NEBL: variants seen among roughly 807,000 people sequenced by gnomAD.
NEBL encodes the protein nebulette, also known as LIM and SH3 protein 2.
Under a neutral mutation model 140.2 loss-of-function variants are expected in NEBL, and 122 were observed. The observed-to-expected ratio is 0.87, with a 90% CI of 0.75 to 1.01. NEBL has a LOEUF of 1.01. NEBL is among the 50% of genes least tolerant of loss of function. The pLI, the probability that NEBL is intolerant of heterozygous loss-of-function variation, is 0.00. For missense variants in NEBL, 1,365 were observed against 1,231.3 expected (o/e 1.11, Z -1.62); for synonymous variants, 436 against 398.9 (o/e 1.09, Z -1.11).
chr10:20,949,673 C>T, intron 4 of NEBL, among the ~76,000 whole-genome samples: 1 of 152,218 alleles, frequency 6.6e-6, no homozygotes, highest in Middle Eastern at 3.4e-3. Flanking sequence ...CTGAACAACA[C>T]TCTTCTATAC....
At chr10:20,984,786 G>A (rs1373476475) in intron 3 of NEBL, among the ~76,000 whole-genome samples, 5 of 152,124 alleles carry the variant, frequency 3.3e-5, no homozygotes, top group Non-Finnish European at 7.4e-5. Flanking sequence ...GGGCTGCACA[G>A]AAGGAGGTGA....
rs923509413 is a variant in NEBL at position 20,784,528 on chromosome 10, G to GATTAACCC, written c.*1211_*1218dup. ...AAAAAAATGGAAAAGGACGTCTTTT[G>GATTAACCC]ATTAACCCGTTTTGGTGGCTAGATT... On this transcript the variant is annotated 3_prime_UTR_variant, in exon 28 of 28. Coordinates refer to ENST00000377122, the MANE Select transcript of NEBL (RefSeq NM_006393.3). 2.0e-4 allele frequency: 30 copies of GATTAACCC among 152,218 alleles called. No homozygotes were observed. Among genetic ancestry groups the GATTAACCC allele is most frequent in the Admixed American group, 1.6e-3 (25 of 15,270 alleles). The allele number at this position is 152,218 out of a possible 1,614,324, so 9.4% of individuals were successfully genotyped here.
rs183331485 is a variant in NEBL, at chr10:20,911,754, G to A, written c.357+49918C>T. ...ATTCATGACTATGTGTTCCAAAATCGATATAAACATCATCAGTGGGAAATT... is the reference window on the plus strand; with the variant it reads ...ATTCATGACTATGTGTTCCAAAATCAATATAAACATCATCAGTGGGAAATT... On this transcript the variant is annotated intron_variant, in intron 4 of 6. Transcript: ENST00000417816. 1.4e-4 allele frequency among the ~76,000 whole-genome samples: 22 copies of A among 152,218 alleles called. 3 individuals carry two copies. The highest frequency in any genetic ancestry group is 3.4e-3 in the Middle Eastern group (1 of 294).
intron 11 of NEBL, among the ~76,000 whole-genome samples, chr10:20,846,433 C>T (rs552291761): frequency 6.6e-6 from 1 of 152,276 alleles, no homozygotes; most frequent in Admixed American, 6.6e-5. Flanking sequence ...GAGAAGCATG[C>T]TGTCTCCTCA....
rs187217734 is a variant in NEBL at position 20,831,061 on chromosome 10, A to G, written c.1671+135T>C. On this transcript the variant is annotated intron_variant, in intron 16 of 27. Transcript: ENST00000377122. Reference sequence around the variant, plus strand: ...TAGTACGGTTAATCAAGTTTGGCCAATGGTTTCTTAGTGAAAGAGTACACT... The same window carrying G: ...TAGTACGGTTAATCAAGTTTGGCCAGTGGTTTCTTAGTGAAAGAGTACACT... 78 of 729,296 alleles carry G rather than the reference A, an allele frequency of 1.1e-4. No homozygotes were observed. The African/African-American group carries it at 1.1e-3, about 11-fold the overall frequency. The allele number at this position is 729,296 out of a possible 1,614,324, so 45.2% of individuals were successfully genotyped here.
rs192416580 is a variant in NEBL, at chr10:21,231,525, C to A, written n.348+16396G>T. 9.2e-3 allele frequency among the ~76,000 whole-genome samples: 1,385 copies of A among 151,098 alleles called. 21 individuals are homozygous for A. Among genetic ancestry groups the A allele is most frequent in the African/African-American group, 0.032 (1,297 of 41,106 alleles). On this transcript the variant is annotated intron_variant and non_coding_transcript_variant, in intron 3 of 8. Coordinates refer to the NEBL transcript ENST00000675702. ...CTGCACTCCAGCCTGGGCAACAGAG[C>A]GAGACTCTGTCTCAAAAAAAAACAA...
intron 11 of NEBL, among the ~76,000 whole-genome samples, chr10:20,847,457 A>G (rs1476473432): frequency 6.6e-6 from 1 of 152,218 alleles, no homozygotes; most frequent in Non-Finnish European, 1.5e-5. Flanking sequence ...TACTACAGAA[A>G]CATAGTATTT....
intron 2 of NEBL, among the ~76,000 whole-genome samples, chr10:21,083,105 G>T (rs1429472357): frequency 6.6e-6 from 1 of 152,128 alleles, no homozygotes; most frequent in Non-Finnish European, 1.5e-5. Context: ...AAGCAGGAGC[G>T]CAGTGCTGAG....
chr10:20,964,847 C>G (rs567286424), intron 3 of NEBL, among the ~76,000 whole-genome samples: 311 of 152,314 alleles, frequency 2.0e-3, no homozygotes, highest in African/African-American at 7.3e-3. Context: ...CTGAATTTAA[C>G]TCTTCCAAAA....
intron 3 of NEBL, among the ~76,000 whole-genome samples, chr10:20,977,675 G>GA (rs910438061): frequency 2.6e-5 from 4 of 151,826 alleles, no homozygotes; most frequent in Admixed American, 2.0e-4. Flanking sequence ...GCACTGGGGT[G>GA]AAAAAAAACT....
At chr10:20,916,575 T>A (rs544880811) in intron 4 of NEBL, among the ~76,000 whole-genome samples, 1 of 152,032 alleles carries the variant, frequency 6.6e-6, no homozygotes, top group Non-Finnish European at 1.5e-5. Context: ...ACTTGGCTAA[T>A]TTTTTTGTAA....
chr10:20,978,106 A>C (rs1437098973), intron 3 of NEBL, among the ~76,000 whole-genome samples: 4 of 152,200 alleles, frequency 2.6e-5, no homozygotes, highest in African/African-American at 9.7e-5. Context: ...GAAAATAAGG[A>C]AATAGATATG....
intron 4 of NEBL, among the ~76,000 whole-genome samples, chr10:20,952,317 G>A (rs1013411386): frequency 7.9e-5 from 12 of 151,600 alleles, no homozygotes; most frequent in African/African-American, 2.2e-4. Flanking sequence ...GGCACCTGTA[G>A]TCCCAGCTAC....
At chr10:20,846,976 T>C (rs1188086049) in intron 11 of NEBL, among the ~76,000 whole-genome samples, 1 of 152,146 alleles carries the variant, frequency 6.6e-6, no homozygotes, top group African/African-American at 2.4e-5. Context: ...ATATCTGCCA[T>C]TGGAAGAAAG....
At chr10:20,946,486 G>A (rs1835166658) in intron 4 of NEBL, among the ~76,000 whole-genome samples, 1 of 152,074 alleles carries the variant, frequency 6.6e-6, no homozygotes, top group Admixed American at 6.6e-5. Flanking sequence ...TTTTGAGACA[G>A]GATCTCGCTC....
At chr10:20,914,152 G>A (rs999164483) in intron 4 of NEBL, among the ~76,000 whole-genome samples, 1 of 152,218 alleles carries the variant, frequency 6.6e-6, no homozygotes, top group Non-Finnish European at 1.5e-5. Flanking sequence ...GGTGACCAAT[G>A]AGAATGTGTT....
intron 1 of NEBL, among the ~76,000 whole-genome samples, chr10:21,256,393 A>G (rs1842660683): frequency 6.6e-6 from 1 of 152,158 alleles, no homozygotes; most frequent in Admixed American, 6.5e-5. Context: ...TTCAAGCCAT[A>G]GGCTGAGGTA....
At chr10:20,823,410 A>G (rs1839541778) in intron 18 of NEBL, 110 bp from the exon 19 acceptor site, 2 of 793,288 alleles carry the variant, frequency 2.5e-6, no homozygotes, top group East Asian at 2.8e-5. Context: ...TAATTCCAAC[A>G]TTACTTTTCC....
chr10:20,905,519 C>G (rs1311114665), intron 4 of NEBL, among the ~76,000 whole-genome samples: 1 of 152,104 alleles, frequency 6.6e-6, no homozygotes, highest in Non-Finnish European at 1.5e-5. Flanking sequence ...GTCACAACAG[C>G]AGCATGTGGG....
Sources: allele counts gnomAD v4.1 joint callset (sites outside exome capture counted in the v4.1 genomes callset), GRCh38; gene constraint gnomAD v4.1.1; transcripts MANE v1.5; gene names NCBI Gene and HGNC (gene_info 2026-07-23, HGNC 2026-07-21).